Variants in ABCC6 observed in about 807,000 individuals in gnomAD.
ABCC6 encodes the protein ATP binding cassette subfamily C member 6, also known as ATP-binding cassette sub-family C member 6.
Under a neutral mutation model 169.5 loss-of-function variants are expected in ABCC6, and 126 were observed. That is an observed-to-expected ratio of 0.74 (90% CI 0.64 to 0.86). The LOEUF (loss-of-function observed/expected upper bound fraction) is 0.86, where lower values mean the gene tolerates loss of function less well. ABCC6 is among the 40% of genes least tolerant of loss of function. The pLI is 0.00. For synonymous variants in ABCC6, 752 were observed against 814.7 expected, an observed-to-expected ratio of 0.92 and a Z score of 1.31; for missense variants, 1,733 against 1,927.2, an observed-to-expected ratio of 0.90 and a Z score of 1.89.
intron 7 of ABCC6, among the ~76,000 whole-genome samples, chr16:16,205,421 T>C (rs1380201087): frequency 6.6e-6 from 1 of 152,008 alleles, no homozygotes; most frequent in East Asian, 1.9e-4. Context: ...CATAATAAAA[T>C]AATAATAAAA....
At chr16:16,181,665 AG>A (rs2047476182) in intron 17 of ABCC6, 1 of 153,314 alleles carries the variant, frequency 6.5e-6, no homozygotes, top group South Asian at 2.1e-4. Flanking sequence ...GGACCTTGCC[AG>A]GGATTGTCAT....
At chr16:16,201,963 C>T in intron 9 of ABCC6, 38 bp downstream of exon 9, 3 of 1,613,308 alleles carry the variant, frequency 1.9e-6, no homozygotes, top group Non-Finnish European at 1.7e-6. Flanking sequence ...ACTGCTTTTC[C>T]TGGCTGGGAA....
chr16:16,176,270 T>A (rs2047275377), intron 19 of ABCC6, among the ~76,000 whole-genome samples: 1 of 152,182 alleles, frequency 6.6e-6, no homozygotes, highest in Non-Finnish European at 1.5e-5. Flanking sequence ...GTTACCTCTG[T>A]TTCCCCCAAC....
At chr16:16,197,533 G>A (rs1218619449) in intron 10 of ABCC6, among the ~76,000 whole-genome samples, 1 of 150,552 alleles carries the variant, frequency 6.6e-6, no homozygotes, top group African/African-American at 2.4e-5. Context: ...GAAGAAGGGA[G>A]AAGGGAAGAA....
chr16:16,194,866 G>C (rs1278023188), intron 10 of ABCC6, among the ~76,000 whole-genome samples: 1 of 152,020 alleles, frequency 6.6e-6, no homozygotes, highest in Non-Finnish European at 1.5e-5. Flanking sequence ...TTTTAGTAGA[G>C]ATGGGGTTTC....
intron 11 of ABCC6, among the ~76,000 whole-genome samples, chr16:16,191,628 T>C (rs2047856490): frequency 7.8e-6 from 1 of 127,494 alleles, no homozygotes. Flanking sequence ...TTTCCTTTGC[T>C]TTCTTCCCTC....
chr16:16,216,040 C>T (rs2048860080), intron 4 of ABCC6, among the ~76,000 whole-genome samples: 3 of 152,280 alleles, frequency 2.0e-5, no homozygotes, highest in South Asian at 4.1e-4. Flanking sequence ...CTGCCTTAGC[C>T]TCCTGAGTAT....
Position 16,163,205 on chromosome 16 carries a change from G to A in ABCC6, c.3307-13C>T. ...CCACATACAGGCTCTGAGAAGGATGGATGGGAGAGGGAAGAGGAGAAGCCA... is the reference window on the plus strand; with the variant it reads ...CCACATACAGGCTCTGAGAAGGATGAATGGGAGAGGGAAGAGGAGAAGCCA... On this transcript the variant is annotated splice_polypyrimidine_tract_variant and intron_variant, in intron 23 of 30. Coordinates refer to ENST00000205557, the MANE Select transcript of ABCC6 (RefSeq NM_001171.6). The A allele has an allele frequency of 6.2e-7, 1 of 1,611,990 alleles. No homozygotes were observed. Among genetic ancestry groups the A allele is most frequent in the East Asian group, 2.2e-5 (1 of 44,872 alleles).
rs55778939 is a variant in ABCC6 at position 16,219,688 on chromosome 16, C to A, written c.346-6G>T. The A allele has an allele frequency of 3.5e-6, 5 of 1,434,818 alleles. No individual in the cohort carries two copies. Among genetic ancestry groups the A allele is most frequent in the Middle Eastern group, 4.9e-4 (2 of 4,114 alleles). 88.9% of individuals were successfully genotyped at this position (1,434,818 alleles called of 1,614,324 possible). On this transcript the variant is annotated splice_polypyrimidine_tract_variant and splice_region_variant and intron_variant, in intron 3 of 30. Coordinates refer to ENST00000205557, the MANE Select transcript of ABCC6 (RefSeq NM_001171.6). ...ATCAGGAACACTGCGAAGCTCTGGA[C>A]GGGAAAGTCAGGGAGGCCCCTTAGG... is the stretch of plus-strand genomic sequence containing the variant.
chr16:16,169,624 G>A, intron 22 of ABCC6, 22 bp downstream of exon 22: 3 of 1,609,346 alleles, frequency 1.9e-6, no homozygotes, highest in Non-Finnish European at 1.7e-6. Context: ...GGAGAGGGAT[G>A]AGGAGGGCAG....
Position 16,219,917 on chromosome 16 carries a change from T to A in ABCC6, c.250A>T (p.Thr84Ser). The change falls in exon 3 of 31, where the codon ACC (threonine) becomes TCC (serine). Residue 84 changes from threonine (T) to serine (S), a missense_variant. This residue lies in a region of ABCC6 where 17 missense variants were observed against 108.1 expected (regional missense o/e 0.16). Transcript: ENST00000205557. The stretch of plus-strand genomic sequence containing the variant: ...CAAAGAGCGACAGCCACGCTGGAGG[T>A]ACACAGGACTATGAGGGCGAATCCA... ...VLGFALIVLC[T>S]SSVAVALWKI... 1 of 1,530,084 alleles carries A rather than the reference T, an allele frequency of 6.5e-7. No individual in the cohort carries two copies. Among genetic ancestry groups the A allele is most frequent in the Non-Finnish European group, 8.9e-7 (1 of 1,128,092 alleles). The allele number at this position is 1,530,084 out of a possible 1,614,324, so 94.8% of individuals were successfully genotyped here.
At chr16:16,210,970 C>T (rs1248017566) in intron 6 of ABCC6, among the ~76,000 whole-genome samples, 1 of 152,152 alleles carries the variant, frequency 6.6e-6, no homozygotes, top group Non-Finnish European at 1.5e-5. Flanking sequence ...TGGCAGGCGC[C>T]TGTAATCCCA....
At chr16:16,178,991 C>T (rs753086382) in intron 17 of ABCC6, 26 bp from the exon 18 acceptor site, 2 of 1,609,576 alleles carry the variant, frequency 1.2e-6, no homozygotes, top group African/African-American at 1.3e-5. Flanking sequence ...GAACAGTGGC[C>T]TGAGTCAGCA....
chr16:16,212,081 T>A (rs1030625840), intron 6 of ABCC6, 104 bp downstream of exon 6: 1 of 766,498 alleles, frequency 1.3e-6, no homozygotes, highest in Non-Finnish European at 2.2e-6. Context: ...AAGAAAGACT[T>A]GCTGGCCTTT....
In ABCC6 at chr16:16,178,129, C is replaced by T. The variant is rs143077935; in HGVS notation, c.2416-503G>A. Among the ~76,000 whole-genome samples, 637 of 152,152 alleles carry T rather than the reference C, an allele frequency of 4.2e-3. 3 individuals are homozygous for T. Among genetic ancestry groups the T allele is most frequent in the Middle Eastern group, 6.8e-3 (2 of 294 alleles). On this transcript the variant is annotated intron_variant, in intron 18 of 30. Coordinates refer to ENST00000205557, the MANE Select transcript of ABCC6 (RefSeq NM_001171.6). ...TCACCTGAGGTCAGGAGTTCGAGACCAGCCTGGCCAACATGGTGAAACCCT... is the reference window on the plus strand; with the variant it reads ...TCACCTGAGGTCAGGAGTTCGAGACTAGCCTGGCCAACATGGTGAAACCCT...
chr16:16,188,226 A>AC, intron 13 of ABCC6, among the ~76,000 whole-genome samples: 1 of 39,380 alleles, frequency 2.5e-5, no homozygotes, highest in Middle Eastern at 0.013. Flanking sequence ...CTAAAAATAC[A>AC]AAAAAAAAAA....
At chr16:16,185,602 G>A (rs1290547686) in intron 14 of ABCC6, among the ~76,000 whole-genome samples, 1 of 152,096 alleles carries the variant, frequency 6.6e-6, no homozygotes, top group Non-Finnish European at 1.5e-5. Flanking sequence ...TGGCCAACAT[G>A]GCAAAACCCT....
At chr16:16,157,005 G>A (rs1439314094) in intron 27 of ABCC6, among the ~76,000 whole-genome samples, 1 of 150,966 alleles carries the variant, frequency 6.6e-6, no homozygotes. Context: ...AGGATCCACT[G>A]CTTTTTAGGG....
At chr16:16,198,220 G>C in intron 9 of ABCC6, 38 bp from the exon 10 acceptor site, 1 of 1,556,786 alleles carries the variant, frequency 6.4e-7, no homozygotes, top group Non-Finnish European at 8.7e-7. Flanking sequence ...AAAGTGGGGA[G>C]GCCGGGGCAG....
Sources: gnomAD v4.1 joint callset for allele counts (sites outside exome capture counted in the v4.1 genomes callset) on GRCh38, gnomAD v4.1.1 for gene constraint, gnomAD v4.1.1 regional missense constraint, MANE v1.5 for transcripts, NCBI Gene and HGNC (gene_info 2026-07-23, HGNC 2026-07-21) for gene names.